ZRANB3: variants seen among roughly 807,000 people sequenced by gnomAD.
ZRANB3 encodes zinc finger RANBP2-type containing 3, also known as DNA annealing helicase and endonuclease ZRANB3.
In ZRANB3, 125 loss-of-function variants were observed where a neutral mutation model predicts 133.8. The ratio of observed to expected loss-of-function variants is 0.93; its 90% CI spans 0.81 to 1.08. The LOEUF (loss-of-function observed/expected upper bound fraction) is 1.08. Among genes scored for constraint, ZRANB3 ranks in the 50% least tolerant of loss-of-function variants. The pLI is 0.00. For synonymous variants in ZRANB3, 387 were observed against 432.7 expected, an observed-to-expected ratio of 0.89 and a Z score of 1.31; for missense variants, 1,229 against 1,275.5, an observed-to-expected ratio of 0.96 and a Z score of 0.56.
chr2:135,276,072 T>C (rs1680806895), intron 8 of ZRANB3, among the ~76,000 whole-genome samples: 1 of 152,116 alleles, frequency 6.6e-6, no homozygotes, highest in Non-Finnish European at 1.5e-5. Flanking sequence ...TTGGCAGTTT[T>C]GTTTAGAAGG....
intron 2 of ZRANB3, among the ~76,000 whole-genome samples, chr2:135,465,829 A>G (rs1457814509): frequency 3.3e-5 from 5 of 152,226 alleles, no homozygotes; most frequent in Non-Finnish European, 4.4e-5. Flanking sequence ...CAAGAAAAAA[A>G]CAAACAACCT....
intron 12 of ZRANB3, among the ~76,000 whole-genome samples, chr2:135,235,805 T>C (rs919237557): frequency 1.3e-5 from 2 of 150,140 alleles, no homozygotes; most frequent in Admixed American, 1.3e-4. Context: ...ATAAGAGCTA[T>C]CTATGACAAA....
intron 2 of ZRANB3, among the ~76,000 whole-genome samples, chr2:135,460,448 G>C (rs1319975388): frequency 6.6e-6 from 1 of 151,932 alleles, no homozygotes; most frequent in African/African-American, 2.4e-5. Context: ...AATATTTTTA[G>C]TAGAGATGAG....
chr2:135,342,608 C>G (rs539974043), intron 6 of ZRANB3, among the ~76,000 whole-genome samples: 1 of 149,242 alleles, frequency 6.7e-6, no homozygotes, highest in Admixed American at 6.6e-5. Context: ...CTGTGCCCGT[C>G]TTTTTTCTTT....
At position 135,282,409 on chromosome 2, in the gene ZRANB3, C is replaced by T. The variant is rs151159983; in HGVS notation, c.967-6654G>A. ...TTTTCAAATCTGTTAGTAAACATTTCCAAATCTGGTAGGAGACAGCCTTCA... is the reference window on the plus strand; with the variant it reads ...TTTTCAAATCTGTTAGTAAACATTTTCAAATCTGGTAGGAGACAGCCTTCA... On this transcript the variant is annotated intron_variant, in intron 8 of 20. Coordinates refer to ENST00000264159, the MANE Select transcript of ZRANB3 (RefSeq NM_032143.4). Among the ~76,000 whole-genome samples the T allele has an allele frequency of 3.0e-3, 453 of 152,264 alleles. 3 individuals are homozygous for T. The highest frequency in any genetic ancestry group is 0.01 in the African/African-American group (422 of 41,560).
chr2:135,525,268 T>C (rs1694103511), intron 1 of ZRANB3, among the ~76,000 whole-genome samples: 1 of 152,038 alleles, frequency 6.6e-6, no homozygotes, highest in South Asian at 2.1e-4. Context: ...TTCAACTAGA[T>C]ACAAATGAAA....
intron 2 of ZRANB3, among the ~76,000 whole-genome samples, chr2:135,404,884 A>G (rs1687931611): frequency 6.6e-6 from 1 of 152,216 alleles, no homozygotes; most frequent in African/African-American, 2.4e-5. Context: ...TGTAAAGACC[A>G]TCGAGGCTAG....
At chr2:135,275,281 G>A (rs531726343) in intron 9 of ZRANB3, among the ~76,000 whole-genome samples, 2,219 of 149,966 alleles carry the variant, frequency 0.015, 31 homozygotes, top group Non-Finnish European at 0.02. Flanking sequence ...CGGACGGGGC[G>A]GCTGGCCGGG....
intron 6 of ZRANB3, 82 bp downstream of exon 6, chr2:135,345,468 C>CA (rs113439308): frequency 0.053 from 40,740 of 767,436 alleles, 1 homozygote; most frequent in East Asian, 0.06. Context: ...GACTCTGTCT[C>CA]AAAAAAAAAA....
chr2:135,511,491 T>C (rs1214486873), intron 1 of ZRANB3: 1 of 888,704 alleles, frequency 1.1e-6, no homozygotes, highest in East Asian at 2.4e-5. Context: ...CCTCTACTAC[T>C]TCTTCAGACT....
intron 6 of ZRANB3, among the ~76,000 whole-genome samples, chr2:135,333,043 T>C (rs1437868473): frequency 6.6e-6 from 1 of 152,196 alleles, no homozygotes; most frequent in Non-Finnish European, 1.5e-5. Flanking sequence ...GGAGAAATTG[T>C]ACCTTAGAGA....
intron 5 of ZRANB3, 104 bp downstream of exon 5, chr2:135,349,880 A>T: frequency 1.3e-6 from 1 of 796,794 alleles, no homozygotes; most frequent in Non-Finnish European, 2.0e-6. Flanking sequence ...CTAGCATTTA[A>T]GGCATCTAAT....
chr2:135,284,269 G>A (rs1020768902), intron 8 of ZRANB3, among the ~76,000 whole-genome samples: 2 of 152,214 alleles, frequency 1.3e-5, no homozygotes, highest in African/African-American at 4.8e-5. Flanking sequence ...AATATGCTTG[G>A]ATTAGTGATT....
At chr2:135,229,366 AT>A (rs528864234) in intron 13 of ZRANB3, among the ~76,000 whole-genome samples, 10,430 of 136,534 alleles carry the variant, frequency 0.076, 816 homozygotes, top group African/African-American at 0.24. Context: ...CAATGCCAAT[AT>A]TTTTTTTTTT....
intron 2 of ZRANB3, among the ~76,000 whole-genome samples, chr2:135,444,718 A>G (rs948356726): frequency 1.3e-5 from 2 of 152,250 alleles, no homozygotes; most frequent in African/African-American, 2.4e-5. Context: ...CGGAAATTCT[A>G]AAAGAATTCT....
chr2:135,294,329 T>C, intron 8 of ZRANB3, among the ~76,000 whole-genome samples: 1 of 152,118 alleles, frequency 6.6e-6, no homozygotes, highest in Non-Finnish European at 1.5e-5. Flanking sequence ...CTTGGGAGGG[T>C]GTATGTGTTG....
At chr2:135,301,321 G>T (rs532358903) in intron 8 of ZRANB3, among the ~76,000 whole-genome samples, 24 of 152,084 alleles carry the variant, frequency 1.6e-4, no homozygotes, top group Admixed American at 5.9e-4. Flanking sequence ...GAGTAGCTGG[G>T]ATTATAGGCA....
chr2:135,280,100 G>A (rs1573819560), intron 8 of ZRANB3, among the ~76,000 whole-genome samples: 1 of 152,122 alleles, frequency 6.6e-6, no homozygotes, highest in East Asian at 1.9e-4. Context: ...GGAATAGCAG[G>A]TCCTCATAAT....
At chr2:135,295,266 T>G (rs556918425) in intron 8 of ZRANB3, among the ~76,000 whole-genome samples, 22 of 152,346 alleles carry the variant, frequency 1.4e-4, no homozygotes, top group African/African-American at 5.1e-4. Context: ...TGCTCCTGTA[T>G]TGGATGCATA....
Sources: gnomAD v4.1 joint callset for allele counts (sites outside exome capture counted in the v4.1 genomes callset) on GRCh38, gnomAD v4.1.1 for gene constraint, MANE v1.5 for transcripts, NCBI Gene and HGNC (gene_info 2026-07-23, HGNC 2026-07-21) for gene names.